Variants in DLG4 observed in about 807,000 individuals in gnomAD.
DLG4 encodes the protein discs large MAGUK scaffold protein 4, also known as disks large homolog 4.
A neutral mutation model predicts 93.8 loss-of-function variants in DLG4; 7 were observed. The observed-to-expected ratio is 0.07, with a 90% CI of 0.04 to 0.14. The LOEUF (loss-of-function observed/expected upper bound fraction) is 0.14. DLG4 is among the 10% of genes least tolerant of loss of function. The probability of loss-of-function intolerance (pLI) is 1.00; values close to 1 mark genes in which losing one functional copy is unlikely to be tolerated. For missense variants in DLG4, 545 were observed against 992.9 expected (o/e 0.55, Z 6.06); for synonymous variants, 341 against 387.6 (o/e 0.88, Z 1.41).
rs1487612094 is a variant in DLG4 at position 7,187,273 on chromosome 17, C to G, written c.*3435G>C. ...AATGCATGCAGGCCAGGCGCGGTGG[C>G]TCATGCCTGTAATCCTAGCACTTTG... On this transcript the variant is annotated 3_prime_UTR_variant, in exon 20 of 20. Transcript: ENST00000399506. 7.5e-6 allele frequency among the ~76,000 whole-genome samples: 1 copy of G among 133,180 alleles called. No homozygotes were observed. The highest frequency in any genetic ancestry group is 1.6e-5 in the Non-Finnish European group (1 of 64,296). The allele number at this position is 133,180 out of a possible 152,430, so 87.4% of individuals were successfully genotyped here.
At chr17:7,197,385 A>G (rs1216484447) in intron 8 of DLG4, among the ~76,000 whole-genome samples, 3 of 152,102 alleles carry the variant, frequency 2.0e-5, no homozygotes, top group Non-Finnish European at 2.9e-5. Context: ...CTCTTAATCC[A>G]TAAAATTCTT....
rs757393857 is a variant in DLG4, at chr17:7,208,030, G to A, written c.96+144C>T. The A allele has an allele frequency of 8.6e-5, 109 of 1,264,962 alleles. No individual in the cohort carries two copies. The highest frequency in any genetic ancestry group is 4.6e-4 in the Middle Eastern group (2 of 4,348). The allele number at this position is 1,264,962 out of a possible 1,614,324, so 78.4% of individuals were successfully genotyped here. ...CCCTTAGGGATTGCTGCAGCTCCGA[G>A]GCTCCGAGGGCCGCACTGGGGAGGG... is the stretch of plus-strand genomic sequence containing the variant. On this transcript the variant is annotated intron_variant, in intron 2 of 19. Transcript: ENST00000399506. This position sits in a 1 kb window ranked among gnomAD's most constrained non-coding sequence, Gnocchi z 5.4.
Position 7,208,007 on chromosome 17 carries a change from C to G in DLG4, c.96+167G>C. The G allele has an allele frequency of 3.4e-6, 4 of 1,193,244 alleles. No individual in the cohort carries two copies. The highest frequency in any genetic ancestry group is 4.2e-6 in the Non-Finnish European group (4 of 948,436). 73.9% of individuals were successfully genotyped at this position (1,193,244 alleles called of 1,614,324 possible). The stretch of plus-strand genomic sequence containing the variant: ...ACGGCTCTCTCTCACCCTACCGGCC[C>G]TTAGGGATTGCTGCAGCTCCGAGGC... On this transcript the variant is annotated intron_variant, in intron 2 of 19. Coordinates refer to ENST00000399506, the MANE Select transcript of DLG4 (RefSeq NM_001321075.3). This position sits in a 1 kb window ranked among gnomAD's most constrained non-coding sequence, Gnocchi z 5.4.
chr17:7,203,226 A>G lies in DLG4; in HGVS notation c.609T>C (p.Asp203=). The G allele has an allele frequency of 1.2e-6, 2 of 1,608,556 alleles. No individual in the cohort carries two copies. The highest frequency in any genetic ancestry group is 8.5e-7 in the Non-Finnish European group (1 of 1,175,500). ...KIIEGGAAHK[D]GRLQIGDKIL... is the part of the protein sequence containing the mutation. ...TCTTGTCTCCAATCTGCAACCTCCC[A>G]TCCTTGTGGGCAGCACCCCCTTCGA... Residue 203 remains aspartate (D), a synonymous_variant, in exon 7 of 20, where the codon GAT becomes GAC. Coordinates refer to ENST00000399506, the MANE Select transcript of DLG4 (RefSeq NM_001321075.3). This position sits in a 1 kb window ranked among gnomAD's most constrained non-coding sequence, Gnocchi z 7.2.
chr17:7,215,007 C>A (rs1162017946), intron 1 of DLG4, among the ~76,000 whole-genome samples: 1 of 152,184 alleles, frequency 6.6e-6, no homozygotes, highest in African/African-American at 2.4e-5. Context: ...CTCCCTACCC[C>A]ATCCAGCATT....
At position 7,194,806 on chromosome 17, in the gene DLG4, C is replaced by T. The variant is rs931960733; in HGVS notation, c.1302-311G>A. The stretch of plus-strand genomic sequence containing the variant: ...GCTGACTTTGGGAGGCCAAGGCGGG[C>T]GGATCACAAGGTCAGGAGATTGAGA... On this transcript the variant is annotated intron_variant, in intron 11 of 19. Transcript: ENST00000399506. This position sits in a 1 kb window ranked among gnomAD's most constrained non-coding sequence, Gnocchi z 4.4. 4.0e-4 allele frequency among the ~76,000 whole-genome samples: 61 copies of T among 152,066 alleles called. 1 individual carries two copies. Among genetic ancestry groups the T allele is most frequent in the Non-Finnish European group, 1.2e-4 (8 of 68,010 alleles).
intron 8 of DLG4, among the ~76,000 whole-genome samples, chr17:7,199,878 G>A (rs1000136380): frequency 1.3e-5 from 2 of 151,658 alleles, no homozygotes; most frequent in Admixed American, 6.6e-5. Flanking sequence ...TACTCGGGAG[G>A]CTGAGGCAGG....
intron 2 of DLG4, among the ~76,000 whole-genome samples, chr17:7,207,279 A>G (rs1426160780): frequency 6.6e-6 from 1 of 152,040 alleles, no homozygotes; most frequent in Non-Finnish European, 1.5e-5. Context: ...ATCAGGCCCC[A>G]GCGGCCTGGG....
At chr17:7,214,701 TC>T (rs2070836412) in intron 1 of DLG4, among the ~76,000 whole-genome samples, 1 of 152,138 alleles carries the variant, frequency 6.6e-6, no homozygotes, top group Non-Finnish European at 1.5e-5. Context: ...CCACGCAGCT[TC>T]AGTCGTCGCC....
chr17:7,214,642 C>A (rs532548049), intron 1 of DLG4, among the ~76,000 whole-genome samples: 1 of 152,242 alleles, frequency 6.6e-6, no homozygotes. Context: ...TCCCCACCCC[C>A]ACTTGTTCTG....
Position 7,203,351 on chromosome 17 carries a change from G to C in DLG4, c.506-22C>G. 3 of 1,593,650 alleles carry C rather than the reference G, an allele frequency of 1.9e-6. No individual in the cohort carries two copies. Among genetic ancestry groups the C allele is most frequent in the Non-Finnish European group, 2.6e-6 (3 of 1,164,196 alleles). On this transcript the variant is annotated intron_variant, in intron 6 of 19. Transcript: ENST00000399506. The surrounding 1 kb of genome is among the most constrained non-coding windows in gnomAD (Gnocchi z 7.2). ...AGACCTGGATGGAGGGGAGGCCAGA[G>C]GTGGGTGCCCAGGAAGCAGGCTTGG...
rs909358468 is a variant in DLG4, at chr17:7,189,288, A to G, written c.*1420T>C. On this transcript the variant is annotated 3_prime_UTR_variant, in exon 20 of 20. Transcript: ENST00000399506. ...GGGTGGATAACAAGGTCAGGAGTTC[A>G]AGACCAGCCTGACCAACATGGTGAA... Among the ~76,000 whole-genome samples, 13 of 151,518 alleles carry G rather than the reference A, an allele frequency of 8.6e-5. No individual in the cohort carries two copies. Among genetic ancestry groups the G allele is most frequent in the Non-Finnish European group, 1.5e-4 (10 of 67,868 alleles).
rs765595753 is a variant in DLG4 at position 7,203,030 on chromosome 17, T to C, written c.660A>G (p.Leu220=). ...CAGCATCTTCATGCATGACGTCCTC[T>C]AGCCCCACACTGTTGACCTGGAGTC... ...DKILAVNSVG[L]EDVMHEDAVA... Residue 220 remains leucine (L), a synonymous_variant, in exon 8 of 20, where the codon CTA becomes CTG. Transcript: ENST00000399506. The surrounding 1 kb of genome is among the most constrained non-coding windows in gnomAD (Gnocchi z 7.2). 6.2e-7 allele frequency: 1 copy of C among 1,609,476 alleles called. No individual in the cohort carries two copies. The highest frequency in any genetic ancestry group is 8.5e-7 in the Non-Finnish European group (1 of 1,175,938).
In DLG4 at chr17:7,187,705, G is replaced by A. The variant is rs934704808; in HGVS notation, c.*3003C>T. ...TCCTAGATTTCTCCCTTCAGCTCAC[G>A]ATAGAGAACGTTATCACAGCCTCAA... On this transcript the variant is annotated 3_prime_UTR_variant, in exon 20 of 20. Coordinates refer to ENST00000399506, the MANE Select transcript of DLG4 (RefSeq NM_001321075.3). 1.3e-5 allele frequency among the ~76,000 whole-genome samples: 2 copies of A among 151,970 alleles called. No individual in the cohort carries two copies. The highest frequency in any genetic ancestry group is 1.9e-4 in the East Asian group (1 of 5,182).
upstream of DLG4, chr17:7,218,291 G>A: frequency 6.2e-7 from 1 of 1,606,868 alleles, no homozygotes; most frequent in South Asian, 1.1e-5. Flanking sequence ...TCTGTCACAG[G>A]AACAGAACTG....
chr17:7,216,423 T>G (rs1312483544), intron 1 of DLG4, among the ~76,000 whole-genome samples: 1 of 152,128 alleles, frequency 6.6e-6, no homozygotes. Flanking sequence ...ATCTTCTGCC[T>G]CCTATGGGAG....
chr17:7,215,187 C>A (rs1015428583), intron 1 of DLG4, among the ~76,000 whole-genome samples: 2 of 152,194 alleles, frequency 1.3e-5, no homozygotes, highest in Non-Finnish European at 2.9e-5. Flanking sequence ...CCCCACCATA[C>A]CGAGGCTGAC....
In DLG4 at chr17:7,211,854, G is replaced by A. The variant is rs1481378697; in HGVS notation, c.31-3615C>T. Among the ~76,000 whole-genome samples, 7 of 137,530 alleles carry A rather than the reference G, an allele frequency of 5.1e-5. No individual in the cohort carries two copies. In the East Asian group the frequency reaches 1.6e-3, roughly 31 times the overall value. The allele number at this position is 137,530 out of a possible 152,430, so 90.2% of individuals were successfully genotyped here. ...GGGGGGGGGTGACGGCGCCTGCGCA[G>A]TAAGGAAGAGCGTCACGTTGGGAGA... On this transcript the variant is annotated intron_variant, in intron 1 of 19. Transcript: ENST00000399506.
At position 7,195,030 on chromosome 17, in the gene DLG4, AAAAG is replaced by A. The variant is rs1051471914; in HGVS notation, c.1302-539_1302-536del. 8.1e-5 allele frequency among the ~76,000 whole-genome samples: 11 copies of A among 135,772 alleles called. No individual in the cohort carries two copies. Among genetic ancestry groups the A allele is most frequent in the African/African-American group, 2.8e-4 (11 of 39,994 alleles). The allele number at this position is 135,772 out of a possible 152,430, so 89.1% of individuals were successfully genotyped here. A position where few individuals can be genotyped will look rare whatever the true frequency, so the allele number is the denominator to read the frequency against. ...CGAGACACCGTCTCAAAAAAAAAAAAAAAGAAAAAGAAAAAGAAAAACAGAAAGC... is the reference window on the plus strand; with the variant it reads ...CGAGACACCGTCTCAAAAAAAAAAAAAAAAAGAAAAAGAAAAACAGAAAGC... On this transcript the variant is annotated intron_variant, in intron 11 of 19. Transcript: ENST00000399506. This position sits in a 1 kb window ranked among gnomAD's most constrained non-coding sequence, Gnocchi z 4.3.
Sources: allele counts gnomAD v4.1 joint callset (sites outside exome capture counted in the v4.1 genomes callset), GRCh38; gene constraint gnomAD v4.1.1; non-coding constraint Gnocchi (gnomAD v3.1); transcripts MANE v1.5; gene names NCBI Gene and HGNC (gene_info 2026-07-23, HGNC 2026-07-21).